Variants in LRMDA observed in about 807,000 individuals in gnomAD.
LRMDA encodes the protein leucine rich melanocyte differentiation associated.
LRMDA carries 18 observed loss-of-function variants against 29.8 expected under a neutral mutation model. That is an observed-to-expected ratio of 0.60 (90% confidence interval 0.42 to 0.90). LRMDA has a LOEUF of 0.90. Among genes scored for constraint, LRMDA ranks in the 40% least tolerant of loss-of-function variants. The probability of loss-of-function intolerance (pLI) is 0.00; values close to 1 mark genes in which losing one functional copy is unlikely to be tolerated. For synonymous variants in LRMDA, 125 were observed against 109.4 expected, an observed-to-expected ratio of 1.14 and a Z score of -0.89; for missense variants, 273 against 273.9, an observed-to-expected ratio of 1.00 and a Z score of 0.02.
intron 5 of LRMDA, among the ~76,000 whole-genome samples, chr10:76,320,715 A>G (rs1394722524): frequency 6.6e-6 from 1 of 152,214 alleles, no homozygotes; most frequent in Non-Finnish European, 1.5e-5. Flanking sequence ...GTGGTTTCTA[A>G]TATTTTGACA....
rs1283535045 is a variant in LRMDA at position 76,144,250 on chromosome 10, G to A, written c.516+85467G>A. On this transcript the variant is annotated intron_variant, in intron 5 of 6. Coordinates refer to ENST00000611255, the MANE Select transcript of LRMDA (RefSeq NM_001305581.2). Reference sequence around the variant, plus strand: ...GAAGAAAGCCATTGGTAGCTTGATGGAGATGGCATTGAATCTATAAATTAC... The same window carrying A: ...GAAGAAAGCCATTGGTAGCTTGATGAAGATGGCATTGAATCTATAAATTAC... 2.0e-5 allele frequency among the ~76,000 whole-genome samples: 3 copies of A among 152,196 alleles called. No individual in the cohort carries two copies. The East Asian group carries it at 5.8e-4, about 29-fold the overall frequency.
At chr10:75,545,070 A>C (rs1840062362) in intron 2 of LRMDA, among the ~76,000 whole-genome samples, 1 of 151,726 alleles carries the variant, frequency 6.6e-6, no homozygotes, top group African/African-American at 2.4e-5. Context: ...ATTCTCCCCC[A>C]CTCTTTGGAG....
rs77254028 is a variant in LRMDA, at chr10:76,433,463, C to T, written c.601+108978C>T. ...TTGTTAGTGGTTTCCATGGGGAGGACCTGGCGTGCATTTCTTGGACAGGCA... is the reference window on the plus strand; with the variant it reads ...TTGTTAGTGGTTTCCATGGGGAGGATCTGGCGTGCATTTCTTGGACAGGCA... On this transcript the variant is annotated intron_variant, in intron 6 of 6. Coordinates refer to ENST00000611255, the MANE Select transcript of LRMDA (RefSeq NM_001305581.2). Among the ~76,000 whole-genome samples the T allele has an allele frequency of 8.0e-3, 1,222 of 152,268 alleles. 14 individuals are homozygous for T. The highest frequency in any genetic ancestry group is 0.028 in the African/African-American group (1,165 of 41,562).
chr10:76,249,188 A>G lies in LRMDA; in HGVS notation c.517-75213A>G, dbSNP rs117816144. 1.4e-3 allele frequency among the ~76,000 whole-genome samples: 214 copies of G among 152,254 alleles called. 5 individuals carry two copies. In the East Asian group the frequency reaches 0.04, roughly 28 times the overall value. On this transcript the variant is annotated intron_variant, in intron 5 of 6. Coordinates refer to ENST00000611255, the MANE Select transcript of LRMDA (RefSeq NM_001305581.2). ...TAAAAAAACTCAGATATTACTCCCC[A>G]TTTTTATGGGCAGCTTGCTGTTTTC...
At chr10:76,128,882 C>G (rs1303354747) in intron 5 of LRMDA, among the ~76,000 whole-genome samples, 1 of 152,188 alleles carries the variant, frequency 6.6e-6, no homozygotes, top group Non-Finnish European at 1.5e-5. Flanking sequence ...AGAGGACCTC[C>G]TGGCTGTGTT....
At chr10:75,575,272 C>A (rs1054463240) in intron 2 of LRMDA, among the ~76,000 whole-genome samples, 1 of 152,160 alleles carries the variant, frequency 6.6e-6, no homozygotes, top group Non-Finnish European at 1.5e-5. Flanking sequence ...CTGGCCCCTT[C>A]AAAATCTCAT....
At chr10:75,871,733 G>A (rs1327534706) in intron 2 of LRMDA, among the ~76,000 whole-genome samples, 2 of 152,030 alleles carry the variant, frequency 1.3e-5, no homozygotes, top group Non-Finnish European at 2.9e-5. Flanking sequence ...CCCCAATATC[G>A]GACTGATTGT....
At chr10:76,233,238 G>A (rs1852093086) in intron 5 of LRMDA, among the ~76,000 whole-genome samples, 1 of 152,206 alleles carries the variant, frequency 6.6e-6, no homozygotes, top group Non-Finnish European at 1.5e-5. Flanking sequence ...TTTTCCCAGT[G>A]TGTATAAAAG....
chr10:75,467,482 T>G (rs544791373), intron 2 of LRMDA, among the ~76,000 whole-genome samples: 16 of 152,324 alleles, frequency 1.1e-4, no homozygotes, highest in African/African-American at 3.1e-4. Flanking sequence ...CCCCTGCTCT[T>G]CTTTCTCTTC....
At chr10:76,468,620 C>A (rs1842587690) in intron 6 of LRMDA, among the ~76,000 whole-genome samples, 1 of 152,122 alleles carries the variant, frequency 6.6e-6, no homozygotes, top group Admixed American at 6.6e-5. Context: ...TAATTAGGCA[C>A]TTTAGTTGTT....
In LRMDA at chr10:76,498,227, G is replaced by A. The variant is rs1354671130; in HGVS notation, c.602-58982G>A. Among the ~76,000 whole-genome samples the A allele has an allele frequency of 4.0e-5, 3 of 75,354 alleles. 1 individual carries two copies. Among genetic ancestry groups the A allele is most frequent in the African/African-American group, 9.7e-5 (3 of 30,976 alleles). 49.4% of individuals were successfully genotyped at this position (75,354 alleles called of 152,430 possible). A position where few individuals can be genotyped will look rare whatever the true frequency, so the allele number is the denominator to read the frequency against. On this transcript the variant is annotated intron_variant, in intron 6 of 6. Transcript: ENST00000611255. ...TTTTCTTTGGCTTTGCTTCATTCACGATAATCAAGGACTTGGGTTCATTAC... is the reference window on the plus strand; with the variant it reads ...TTTTCTTTGGCTTTGCTTCATTCACAATAATCAAGGACTTGGGTTCATTAC...
intron 5 of LRMDA, among the ~76,000 whole-genome samples, chr10:76,086,983 C>G (rs751811058): frequency 6.6e-6 from 1 of 152,152 alleles, no homozygotes; most frequent in Non-Finnish European, 1.5e-5. Context: ...TGGGGAGAGA[C>G]GTTCTTTGGC....
chr10:76,296,107 G>C (rs1238791848), intron 5 of LRMDA, among the ~76,000 whole-genome samples: 1 of 152,222 alleles, frequency 6.6e-6, no homozygotes, highest in East Asian at 1.9e-4. Flanking sequence ...CCAACTGGCT[G>C]AAAAGAATTG....
intron 2 of LRMDA, among the ~76,000 whole-genome samples, chr10:75,650,851 C>T (rs191876476): frequency 1.3e-5 from 2 of 152,092 alleles, no homozygotes; most frequent in Non-Finnish European, 1.5e-5. Context: ...GGTGAGGATG[C>T]GGTCAAAGGA....
At chr10:76,085,303 T>C (rs116568678) in intron 5 of LRMDA, among the ~76,000 whole-genome samples, 295 of 152,256 alleles carry the variant, frequency 1.9e-3, no homozygotes, top group African/African-American at 6.9e-3. Flanking sequence ...AGATATTCAA[T>C]GGGAGGAAGA....
At chr10:76,454,559 A>C (rs567825765) in intron 6 of LRMDA, among the ~76,000 whole-genome samples, 1 of 152,242 alleles carries the variant, frequency 6.6e-6, no homozygotes, top group African/African-American at 2.4e-5. Flanking sequence ...TGACCCAGTG[A>C]GAATTGGAGG....
intron 5 of LRMDA, among the ~76,000 whole-genome samples, chr10:76,082,876 T>C (rs549467549): frequency 6.6e-6 from 1 of 152,298 alleles, no homozygotes; most frequent in Admixed American, 6.5e-5. Context: ...AGGAAGTTCG[T>C]AGGAGGATTT....
chr10:76,225,896 C>T (rs1258862055), intron 5 of LRMDA, among the ~76,000 whole-genome samples: 3 of 116,856 alleles, frequency 2.6e-5, no homozygotes, highest in African/African-American at 9.6e-5. Flanking sequence ...CCCACAACAG[C>T]CCCCGGTGTG....
chr10:76,106,574 T>C (rs146683706), intron 5 of LRMDA, among the ~76,000 whole-genome samples: 268 of 152,332 alleles, frequency 1.8e-3, no homozygotes, highest in Admixed American at 3.7e-3. Flanking sequence ...CAAGCATCTA[T>C]GTGATCACCC....
Sources: allele counts gnomAD v4.1 joint callset (sites outside exome capture counted in the v4.1 genomes callset), GRCh38; gene constraint gnomAD v4.1.1; transcripts MANE v1.5; gene names NCBI Gene and HGNC (gene_info 2026-07-23, HGNC 2026-07-21).